Variants in TENM1 observed in about 807,000 individuals in gnomAD.
TENM1 encodes the protein teneurin transmembrane protein 1, also known as teneurin-1.
TENM1 carries 35 observed loss-of-function variants against 174.8 expected under a neutral mutation model. The observed-to-expected ratio is 0.20, with a 90% confidence interval of 0.15 to 0.27. The LOEUF (loss-of-function observed/expected upper bound fraction) is 0.27, where lower values mean the gene tolerates loss of function less well. Ranked by LOEUF, TENM1 falls within the 10% of genes least tolerant of loss-of-function variation. The probability of loss-of-function intolerance (pLI) is 1.00; values close to 1 mark genes in which losing one functional copy is unlikely to be tolerated. For missense variants in TENM1, 1,633 were observed against 2,130.1 expected, an observed-to-expected ratio of 0.77 and a Z score of 4.59; for synonymous variants, 781 against 798.7, an observed-to-expected ratio of 0.98 and a Z score of 0.37.
rs184806816 is a variant in TENM1, at chrX:124,728,600, C to T, written c.776+8357G>A. ...TTCGACTTTCCCCCCTTCTACCTAC[C>T]TGAACACTTCCTTAGTCTCTACTAT... On this transcript the variant is annotated intron_variant, in intron 4 of 31. Coordinates refer to ENST00000422452, the Ensembl canonical transcript of TENM1. Among the ~76,000 whole-genome samples, 8 of 111,164 alleles carry T rather than the reference C, an allele frequency of 7.2e-5. No individual in the cohort carries two copies. The East Asian group carries it at 1.1e-3, about 16-fold the overall frequency.
chrX:125,203,197 C>T, the TENM1 span, among the ~76,000 whole-genome samples: 5 of 112,950 alleles, frequency 4.4e-5, no homozygotes, highest in African/African-American at 1.3e-4. Context: ...GAGTGAGGCT[C>T]AAATAGAAAT....
the TENM1 span, among the ~76,000 whole-genome samples, chrX:125,060,946 G>A: frequency 1.8e-5 from 2 of 109,563 alleles, no homozygotes; most frequent in South Asian, 4.0e-4. Context: ...ACTAGGAGTC[G>A]ACCTGTTTAT....
intron 23 of TENM1, among the ~76,000 whole-genome samples, chrX:124,424,749 C>G (rs563357009): frequency 1.8e-5 from 2 of 110,904 alleles, no homozygotes; most frequent in African/African-American, 6.6e-5. Flanking sequence ...TACTGTCCCC[C>G]CTTGGTACTG....
chrX:124,863,910 T>C (rs895935422), intron 3 of TENM1, among the ~76,000 whole-genome samples: 2 of 112,525 alleles, frequency 1.8e-5, no homozygotes, highest in Admixed American at 9.4e-5. Context: ...AACAGAGAGA[T>C]AGACTCTGTT....
chrX:124,621,258 G>T (rs759872512), intron 11 of TENM1, among the ~76,000 whole-genome samples: 68 of 111,812 alleles, frequency 6.1e-4, no homozygotes, highest in African/African-American at 2.1e-3. Flanking sequence ...GATCACATGA[G>T]GTCAGGAGTT....
Position 124,422,329 on chromosome X carries a change from C to T in TENM1, c.4414G>A (p.Ala1472Thr), listed in dbSNP as rs1178915286. 8.3e-7 allele frequency: 1 copy of T among 1,211,156 alleles called. No individual in the cohort carries two copies. Among genetic ancestry groups the T allele is most frequent in the Non-Finnish European group, 1.1e-6 (1 of 895,071 alleles). Residue 1472 changes from alanine (A) to threonine (T), a missense_variant, in exon 24 of 32, where the codon GCT becomes ACT. This residue lies in a region of TENM1 where 807 missense variants were observed against 1,125.3 expected (regional missense o/e 0.72). Coordinates refer to ENST00000422452, the Ensembl canonical transcript of TENM1. ...CAGTCACAGTCAGTGGGGGCACCAG[C>T]GATGATGTAGATCTCCCCATTGGTG...
At chrX:124,595,859 C>A in intron 11 of TENM1, among the ~76,000 whole-genome samples, 1 of 111,952 alleles carries the variant, frequency 8.9e-6, no homozygotes, top group African/African-American at 3.2e-5. Flanking sequence ...TCTTAACTTT[C>A]CACTTTTTTA....
intron 22 of TENM1, among the ~76,000 whole-genome samples, chrX:124,465,844 A>G (rs2061235475): frequency 9.0e-6 from 1 of 111,225 alleles, no homozygotes; most frequent in African/African-American, 3.3e-5. Flanking sequence ...CTCCCCAAAG[A>G]GATAATATTC....
intron 20 of TENM1, among the ~76,000 whole-genome samples, chrX:124,488,709 G>C (rs760375200): frequency 8.9e-6 from 1 of 112,339 alleles, no homozygotes; most frequent in East Asian, 2.8e-4. Context: ...GAGTGTGTTT[G>C]AGCCTAGCTG....
chrX:125,182,454 G>GGC, the TENM1 span, among the ~76,000 whole-genome samples: 474 of 45,688 alleles, frequency 0.01, 6 homozygotes, highest in African/African-American at 0.067. Flanking sequence ...TTCGGCGGGC[G>GGC]GGGGGGGGGG....
At chrX:124,658,998 G>A (rs2051522871) in intron 6 of TENM1, among the ~76,000 whole-genome samples, 1 of 112,076 alleles carries the variant, frequency 8.9e-6, no homozygotes. Context: ...TTCTTCTGGT[G>A]TGGTCTGTTG....
the TENM1 span, among the ~76,000 whole-genome samples, chrX:125,027,354 T>C: frequency 7.2e-5 from 8 of 111,754 alleles, no homozygotes; most frequent in Admixed American, 4.7e-4. Flanking sequence ...ATAAATCTAG[T>C]AAAAGCTGCA....
At chrX:125,154,031 C>G in the TENM1 span, among the ~76,000 whole-genome samples, 1 of 112,057 alleles carries the variant, frequency 8.9e-6, no homozygotes, top group Non-Finnish European at 1.9e-5. Context: ...ACATCATTTA[C>G]AAAAAGAACA....
chrX:124,855,650 T>C (rs182782077), intron 3 of TENM1, among the ~76,000 whole-genome samples: 2 of 111,495 alleles, frequency 1.8e-5, no homozygotes, highest in East Asian at 2.8e-4. Flanking sequence ...TTTTGCAATC[T>C]ACAATTAAGT....
At chrX:125,046,707 T>C in the TENM1 span, among the ~76,000 whole-genome samples, 1 of 111,892 alleles carries the variant, frequency 8.9e-6, no homozygotes, top group Non-Finnish European at 1.9e-5. Context: ...AGTGAGGACA[T>C]CTTCATTTCA....
chrX:124,839,753 A>T (rs2056460899), intron 3 of TENM1, among the ~76,000 whole-genome samples: 1 of 112,169 alleles, frequency 8.9e-6, no homozygotes, highest in Non-Finnish European at 1.9e-5. Flanking sequence ...TCATTTAGGC[A>T]TGAACCAAAA....
upstream of TENM1, among the ~76,000 whole-genome samples, chrX:124,965,518 G>A (rs2147825024): frequency 8.9e-6 from 1 of 111,949 alleles, no homozygotes; most frequent in East Asian, 2.8e-4. Context: ...AAGGCAGGAT[G>A]TGAGTCTTAA....
chrX:124,705,910 G>C (rs2052892335), intron 4 of TENM1, among the ~76,000 whole-genome samples: 1 of 111,026 alleles, frequency 9.0e-6, no homozygotes, highest in African/African-American at 3.3e-5. Context: ...TTGTTTGTTT[G>C]TTTGGTTTTG....
Position 124,737,106 on chromosome X carries a change from T to A in TENM1, c.627A>T (p.Pro209=), listed in dbSNP as rs1326383487. ...TCTGAAGAGAGTCCGCTGCAGGGGG[T>A]GGCTTCCTGGCACAGGTGCAGGCAT... The change falls in exon 4 of 32, where the codon CCA becomes CCT. Residue 209 remains proline, a synonymous_variant. Coordinates refer to ENST00000422452, the Ensembl canonical transcript of TENM1. 3.3e-6 allele frequency: 4 copies of A among 1,209,268 alleles called. No individual in the cohort carries two copies. In the South Asian group the frequency reaches 7.1e-5, roughly 21 times the overall value.
Sources: gnomAD v4.1 joint callset for allele counts (sites outside exome capture counted in the v4.1 genomes callset) on GRCh38, gnomAD v4.1.1 for gene constraint, gnomAD v4.1.1 regional missense constraint, MANE v1.5 for transcripts, NCBI Gene and HGNC (gene_info 2026-07-23, HGNC 2026-07-21) for gene names.